The following EMCN variants were observed in gnomAD, a reference collection of about 807,000 sequenced individuals.
The protein encoded by EMCN is MUC-14.
A neutral mutation model predicts 38.4 loss-of-function variants in EMCN; 37 were observed. The ratio of observed to expected loss-of-function variants is 0.96; its 90% CI spans 0.74 to 1.27. EMCN has a LOEUF of 1.27. Ranked by LOEUF, EMCN falls within the 50% of genes most tolerant of loss-of-function variation. The pLI, the probability that EMCN is intolerant of heterozygous loss-of-function variation, is 0.00. For synonymous variants in EMCN, 95 were observed against 100.8 expected (o/e 0.94, Z 0.35); for missense variants, 318 against 302.8 (o/e 1.05, Z -0.37).
At chr4:100,429,534 T>C (rs1036729720) in intron 5 of EMCN, among the ~76,000 whole-genome samples, 2 of 152,134 alleles carry the variant, frequency 1.3e-5, no homozygotes, top group Non-Finnish European at 2.9e-5. Context: ...GTTGCACTCT[T>C]ATAGCAATGC....
intron 1 of EMCN, among the ~76,000 whole-genome samples, chr4:100,488,438 G>A (rs1476097126): frequency 6.6e-6 from 1 of 152,076 alleles, no homozygotes; most frequent in Non-Finnish European, 1.5e-5. Flanking sequence ...TTAGTGTGTT[G>A]ATCTACCCAG....
At chr4:100,481,147 T>C (rs1728795173) in intron 1 of EMCN, among the ~76,000 whole-genome samples, 2 of 152,064 alleles carry the variant, frequency 1.3e-5, no homozygotes, top group Admixed American at 1.3e-4. Flanking sequence ...CCATGTTAGT[T>C]AAGAGGATGG....
At chr4:100,399,848 T>C (rs993967307) in intron 11 of EMCN, among the ~76,000 whole-genome samples, 5 of 152,132 alleles carry the variant, frequency 3.3e-5, no homozygotes, top group African/African-American at 1.2e-4. Flanking sequence ...ATGTCATGGG[T>C]TTTTTGGTAC....
intron 4 of EMCN, among the ~76,000 whole-genome samples, chr4:100,451,561 G>A (rs982457436): frequency 2.6e-5 from 4 of 151,952 alleles, no homozygotes; most frequent in Admixed American, 1.3e-4. Flanking sequence ...CTTGTCAAGT[G>A]CATGATGCAC....
rs560885684 is a variant in EMCN at position 100,474,264 on chromosome 4, T to C, written c.259+774A>G. On this transcript the variant is annotated intron_variant, in intron 3 of 11. Coordinates refer to ENST00000296420, the MANE Select transcript of EMCN (RefSeq NM_016242.4). ...AAATGGCTACCAAACACATGAAATA[T>C]GTTCAACATCATTAATCATTAGAGA... is the stretch of plus-strand genomic sequence containing the variant. 2.6e-5 allele frequency among the ~76,000 whole-genome samples: 4 copies of C among 152,308 alleles called. 1 individual carries two copies. The highest frequency in any genetic ancestry group is 7.2e-5 in the African/African-American group (3 of 41,584).
chr4:100,475,341 CATA>C lies in EMCN; in HGVS notation c.188-235_188-233del, dbSNP rs535634887. On this transcript the variant is annotated intron_variant, in intron 2 of 11. Coordinates refer to ENST00000296420, the MANE Select transcript of EMCN (RefSeq NM_016242.4). Reference sequence around the variant, plus strand: ...CACACACACACACACACACATTTTTCATAATAAGTCCCCAAAACAAGTTTCCAC... The same window carrying C: ...CACACACACACACACACACATTTTTCATAAGTCCCCAAAACAAGTTTCCAC... Among the ~76,000 whole-genome samples the C allele has an allele frequency of 1.1e-3, 84 of 77,608 alleles. No homozygotes were observed. In the Middle Eastern group the frequency reaches 0.036, roughly 33 times the overall value. 50.9% of individuals were successfully genotyped at this position (77,608 alleles called of 152,430 possible).
intron 5 of EMCN, among the ~76,000 whole-genome samples, chr4:100,436,160 A>G (rs1727346629): frequency 6.6e-6 from 1 of 152,102 alleles, no homozygotes; most frequent in Non-Finnish European, 1.5e-5. Context: ...AGACCCTACA[A>G]GGAACTTAAA....
chr4:100,501,633 C>T (rs1277122369), intron 1 of EMCN, among the ~76,000 whole-genome samples: 2 of 151,960 alleles, frequency 1.3e-5, no homozygotes, highest in African/African-American at 4.8e-5. Flanking sequence ...ATCCAGTTTT[C>T]TTTATTTCAA....
intron 5 of EMCN, among the ~76,000 whole-genome samples, chr4:100,430,958 T>C (rs1727179513): frequency 6.6e-6 from 1 of 152,194 alleles, no homozygotes; most frequent in South Asian, 2.1e-4. Flanking sequence ...ATAGCAGGAT[T>C]CTGTCATTCA....
At chr4:100,404,200 A>G (rs1726334139) in intron 11 of EMCN, among the ~76,000 whole-genome samples, 1 of 152,106 alleles carries the variant, frequency 6.6e-6, no homozygotes, top group Non-Finnish European at 1.5e-5. Context: ...TTTACATTCA[A>G]GTCTTCAATC....
chr4:100,494,987 G>A (rs1310431118), intron 1 of EMCN, among the ~76,000 whole-genome samples: 11 of 151,504 alleles, frequency 7.3e-5, no homozygotes, highest in Admixed American at 4.6e-4. Flanking sequence ...ACTACATTTT[G>A]GTTGTTGCTA....
At chr4:100,447,703 A>AAATCATGAAG in intron 4 of EMCN, 132 bp from the exon 5 acceptor site, 1 of 613,416 alleles carries the variant, frequency 1.6e-6, no homozygotes, top group Non-Finnish European at 2.8e-6. Context: ...TCAAATCATA[A>AAATCATGAAG]AATCATGATT....
At chr4:100,443,468 G>A (rs997098540) in intron 5 of EMCN, among the ~76,000 whole-genome samples, 1 of 152,206 alleles carries the variant, frequency 6.6e-6, no homozygotes, top group Non-Finnish European at 1.5e-5. Flanking sequence ...GTGCCTCAGT[G>A]GCCTAGTTTG....
intron 1 of EMCN, among the ~76,000 whole-genome samples, chr4:100,493,003 A>C (rs776112609): frequency 1.1e-4 from 16 of 152,294 alleles, no homozygotes; most frequent in Middle Eastern, 6.8e-3. Flanking sequence ...AAAACATATA[A>C]AAAGTTAAGA....
chr4:100,427,476 T>C (rs1417477404), intron 5 of EMCN, among the ~76,000 whole-genome samples: 4 of 148,136 alleles, frequency 2.7e-5, no homozygotes, highest in African/African-American at 1.0e-4. Context: ...TTTGTAGAGA[T>C]AGACCTTGCT....
At chr4:100,455,757 T>G (rs1727998316) in intron 4 of EMCN, among the ~76,000 whole-genome samples, 1 of 152,038 alleles carries the variant, frequency 6.6e-6, no homozygotes, top group African/African-American at 2.4e-5. Context: ...GGTTTATAAT[T>G]TTATACACTT....
intron 3 of EMCN, chr4:100,474,024 A>C (rs1728567651): frequency 6.6e-6 from 1 of 152,394 alleles, no homozygotes; most frequent in Admixed American, 6.5e-5. Flanking sequence ...GGTCCACTGC[A>C]GCTTTCTGAA....
At chr4:100,506,582 A>C (rs2110306248) in intron 1 of EMCN, among the ~76,000 whole-genome samples, 1 of 152,280 alleles carries the variant, frequency 6.6e-6, no homozygotes, top group South Asian at 2.1e-4. Context: ...TCAAAAAAAA[A>C]ACCCTGAAAA....
Position 100,506,632 on chromosome 4 carries a change from C to G in EMCN, c.64+11219G>C, listed in dbSNP as rs531859508. 2.0e-5 allele frequency among the ~76,000 whole-genome samples: 3 copies of G among 151,074 alleles called. No individual in the cohort carries two copies. The East Asian group carries it at 5.8e-4, about 29-fold the overall frequency. ...TTTTATTGTTGTTATTGTTGTTTTG[C>G]AAAATTTCCTTATTTTAAAATATTT... is the stretch of plus-strand genomic sequence containing the variant. On this transcript the variant is annotated intron_variant, in intron 1 of 11. Transcript: ENST00000296420.
Sources: gnomAD v4.1 joint callset for allele counts (sites outside exome capture counted in the v4.1 genomes callset) on GRCh38, gnomAD v4.1.1 for gene constraint, MANE v1.5 for transcripts, NCBI Gene and HGNC (gene_info 2026-07-23, HGNC 2026-07-21) for gene names.